CFAP36: variants seen among roughly 807,000 people sequenced by gnomAD.
The protein encoded by CFAP36 is cilia- and flagella-associated protein 36.
Under a neutral mutation model 50.5 loss-of-function variants are expected in CFAP36, and 37 were observed. That is an observed-to-expected ratio of 0.73 (90% CI 0.56 to 0.96). CFAP36 has a LOEUF of 0.96. Ranked by LOEUF, CFAP36 falls within the 50% of genes least tolerant of loss-of-function variation. The probability of loss-of-function intolerance (pLI) is 0.00; values close to 1 mark genes in which losing one functional copy is unlikely to be tolerated. For synonymous variants in CFAP36, 138 were observed against 128.2 expected, an observed-to-expected ratio of 1.08 and a Z score of -0.52; for missense variants, 407 against 396.2, an observed-to-expected ratio of 1.03 and a Z score of -0.23.
chr2:55,534,924 G>A (rs963508570), intron 5 of CFAP36, among the ~76,000 whole-genome samples: 1 of 152,240 alleles, frequency 6.6e-6, no homozygotes, highest in African/African-American at 2.4e-5. Context: ...CAGATATGCA[G>A]TTGAACTCAA....
At chr2:55,521,607 G>C (rs1023629185) in intron 1 of CFAP36, among the ~76,000 whole-genome samples, 1 of 150,098 alleles carries the variant, frequency 6.7e-6, no homozygotes, top group Admixed American at 6.7e-5. Flanking sequence ...GTGTGTGTGT[G>C]TGTGTGTGTG....
At chr2:55,535,266 C>G (rs1410833669) in intron 5 of CFAP36, among the ~76,000 whole-genome samples, 3 of 152,170 alleles carry the variant, frequency 2.0e-5, no homozygotes, top group Non-Finnish European at 4.4e-5. Context: ...GGCTTTGGCA[C>G]AGTGGTATCA....
intron 7 of CFAP36, among the ~76,000 whole-genome samples, chr2:55,543,123 C>T (rs767932320): frequency 2.6e-5 from 4 of 151,844 alleles, no homozygotes; most frequent in Non-Finnish European, 4.4e-5. Flanking sequence ...ATCATTTAGA[C>T]ATGTGTGCCA....
rs1460782774 is a variant in CFAP36, at chr2:55,535,717, C to T, written c.491C>T (p.Ser164Leu). 6.5e-7 allele frequency: 1 copy of T among 1,531,154 alleles called. No homozygotes were observed. The highest frequency in any genetic ancestry group is 1.4e-5 in the African/African-American group (1 of 69,466). The allele number at this position is 1,531,154 out of a possible 1,614,324, so 94.8% of individuals were successfully genotyped here. The stretch of plus-strand genomic sequence containing the variant: ...CTTATTTTTGTATATTTCAGAAAAT[C>T]AAAAGAGGAATATGACCAGGAAGAA... ...MKILREVLRK[S>L]KEEYDQEEER... is the part of the protein sequence containing the mutation. The change falls in exon 6 of 10, where the codon TCA (serine) becomes TTA (leucine). Residue 164 changes from serine (S) to leucine (L), a missense_variant. Transcript: ENST00000349456.
chr2:55,533,767 C>T, intron 4 of CFAP36, 106 bp from the exon 5 acceptor site: 1 of 479,808 alleles, frequency 2.1e-6, no homozygotes, highest in Non-Finnish European at 3.8e-6. Flanking sequence ...TAGGATGTTA[C>T]AGTGATAGAT....
At chr2:55,544,778 C>T in intron 9 of CFAP36, 129 bp from the exon 10 acceptor site, 5 of 630,122 alleles carry the variant, frequency 7.9e-6, no homozygotes, top group Non-Finnish European at 1.4e-5. Flanking sequence ...GAAACCTAGT[C>T]TATGTCTGTC....
In CFAP36 at chr2:55,529,006, G is replaced by A; in HGVS notation, c.397+14G>A. The stretch of plus-strand genomic sequence containing the variant: ...AAGAGAGAAATGGTAAAATGTTGAA[G>A]TTAGAAATCTAAGTACTAAATGCAT... On this transcript the variant is annotated intron_variant, in intron 4 of 9. Transcript: ENST00000349456. The A allele has an allele frequency of 1.9e-6, 3 of 1,568,834 alleles. No individual in the cohort carries two copies. The highest frequency in any genetic ancestry group is 2.6e-6 in the Non-Finnish European group (3 of 1,147,342).
chr2:55,533,678 GA>G (rs1184728397), intron 4 of CFAP36, among the ~76,000 whole-genome samples, 194 bp from the exon 5 acceptor site: 1 of 132,172 alleles, frequency 7.6e-6, no homozygotes, highest in African/African-American at 2.8e-5. Context: ...CTGGGCGACA[GA>G]AAGAGACTCT....
intron 6 of CFAP36, among the ~76,000 whole-genome samples, chr2:55,536,764 A>C (rs1684498865): frequency 7.0e-6 from 1 of 142,640 alleles, no homozygotes; most frequent in African/African-American, 2.6e-5. Context: ...TTTTTTTTTG[A>C]GACTGAGTCT....
In CFAP36 at chr2:55,523,767, A is replaced by C; in HGVS notation, c.227A>C (p.Glu76Ala). The C allele has an allele frequency of 6.2e-7, 1 of 1,609,092 alleles. No homozygotes were observed. The highest frequency in any genetic ancestry group is 8.5e-7 in the Non-Finnish European group (1 of 1,176,918). ...TACCTCAAAGAAATTGGAATTAATGAAGATCAATTTCAAGAAGCATGCACT... is the reference window on the plus strand; with the variant it reads ...TACCTCAAAGAAATTGGAATTAATGCAGATCAATTTCAAGAAGCATGCACT... ...EGYLKEIGIN[E>A]DQFQEACTSP... The change falls in exon 3 of 10, where the codon GAA becomes GCA. Residue 76 changes from glutamate to alanine, a missense_variant. Coordinates refer to ENST00000349456, the MANE Select transcript of CFAP36 (RefSeq NM_080667.7).
intron 3 of CFAP36, among the ~76,000 whole-genome samples, chr2:55,526,898 C>G (rs556774935): frequency 1.3e-5 from 2 of 152,156 alleles, no homozygotes; most frequent in African/African-American, 2.4e-5. Flanking sequence ...CATGGTGACA[C>G]GCTGCTGTAG....
At chr2:55,536,753 CT>C (rs575583655) in intron 6 of CFAP36, among the ~76,000 whole-genome samples, 9 of 148,970 alleles carry the variant, frequency 6.0e-5, no homozygotes, top group Admixed American at 6.0e-4. Context: ...AAAGTATATA[CT>C]TTTTTTTTGA....
chr2:55,537,589 A>C lies in CFAP36; in HGVS notation c.640+4A>C, dbSNP rs766951720. 2 of 1,586,922 alleles carry C rather than the reference A, an allele frequency of 1.3e-6. No homozygotes were observed. The highest frequency in any genetic ancestry group is 2.2e-5 in the South Asian group (2 of 89,182). Reference sequence around the variant, plus strand: ...CATTTTGCACACCCACCCTCAGGTAAGGTTGAGGTGTACTGAACTTTCTCT... The same window carrying C: ...CATTTTGCACACCCACCCTCAGGTACGGTTGAGGTGTACTGAACTTTCTCT... On this transcript the variant is annotated splice_donor_region_variant and intron_variant, in intron 7 of 9. Transcript: ENST00000349456.
chr2:55,524,574 A>G (rs1558907219), intron 3 of CFAP36, among the ~76,000 whole-genome samples: 1 of 151,756 alleles, frequency 6.6e-6, no homozygotes, highest in Non-Finnish European at 1.5e-5. Context: ...CCTGTAAACT[A>G]ATGTTTATTG....
At chr2:55,534,216 C>G (rs1450204496) in intron 5 of CFAP36, among the ~76,000 whole-genome samples, 2 of 152,142 alleles carry the variant, frequency 1.3e-5, no homozygotes, top group Non-Finnish European at 2.9e-5. Context: ...AAAGTAGCCA[C>G]CAATGGGAAA....
At chr2:55,534,487 A>T (rs1684431619) in intron 5 of CFAP36, among the ~76,000 whole-genome samples, 1 of 152,210 alleles carries the variant, frequency 6.6e-6, no homozygotes, top group South Asian at 2.1e-4. Context: ...TCTCAGCCAA[A>T]TGCCTGGCAA....
At chr2:55,534,059 A>G (rs1305909424) in intron 5 of CFAP36, 99 bp downstream of exon 5, 1 of 576,074 alleles carries the variant, frequency 1.7e-6, no homozygotes, top group Non-Finnish European at 3.0e-6. Context: ...TAAAATTGCT[A>G]AATTCTCTAC....
At chr2:55,542,863 C>G (rs1005586301) in intron 7 of CFAP36, among the ~76,000 whole-genome samples, 5 of 152,160 alleles carry the variant, frequency 3.3e-5, no homozygotes, top group Non-Finnish European at 5.9e-5. Flanking sequence ...AGCTCCCTGT[C>G]TAGGTTGGTT....
intron 3 of CFAP36, 93 bp downstream of exon 3, chr2:55,523,915 G>C: frequency 1.3e-6 from 1 of 780,584 alleles, no homozygotes; most frequent in Non-Finnish European, 2.0e-6. Context: ...TTGACAAAGT[G>C]TAATATTTTA....
Sources: allele counts gnomAD v4.1 joint callset (sites outside exome capture counted in the v4.1 genomes callset), GRCh38; gene constraint gnomAD v4.1.1; transcripts MANE v1.5; gene names NCBI Gene and HGNC (gene_info 2026-07-23, HGNC 2026-07-21).